INPP4B: variants seen among roughly 807,000 people sequenced by gnomAD.
The protein encoded by INPP4B is inositol polyphosphate 4-phosphatase type II.
A neutral mutation model predicts 122.5 loss-of-function variants in INPP4B; 55 were observed. The observed-to-expected ratio is 0.45, with a 90% CI of 0.36 to 0.56. INPP4B has a LOEUF of 0.56. Among genes scored for constraint, INPP4B ranks in the 20% least tolerant of loss-of-function variants. The pLI is 0.00. For missense variants in INPP4B, 1,000 were observed against 1,097.7 expected (o/e 0.91, Z 1.26); for synonymous variants, 403 against 388.7 (o/e 1.04, Z -0.43).
chr4:142,048,613 A>G (rs1276194446), intron 25 of INPP4B, among the ~76,000 whole-genome samples: 1 of 151,864 alleles, frequency 6.6e-6, no homozygotes, highest in African/African-American at 2.4e-5. Context: ...ATTTATGTGA[A>G]CTAAGGGTGA....
chr4:142,047,776 GAT>G (rs1421977987), intron 25 of INPP4B, among the ~76,000 whole-genome samples: 4 of 151,938 alleles, frequency 2.6e-5, no homozygotes. Flanking sequence ...GACAAAGAAA[GAT>G]AGCACAGATA....
chr4:142,462,902 T>C (rs1040906576), intron 2 of INPP4B, 176 bp from the exon 3 acceptor site: 1 of 152,244 alleles, frequency 6.6e-6, no homozygotes, highest in African/African-American at 2.4e-5. Context: ...TATCCCAAAT[T>C]AGTCAGCTTC....
At chr4:142,700,736 G>T (rs1286442063) in intron 2 of INPP4B, among the ~76,000 whole-genome samples, 1 of 151,894 alleles carries the variant, frequency 6.6e-6, no homozygotes, top group Non-Finnish European at 1.5e-5. Flanking sequence ...TTTCTTAGAA[G>T]TAGGTCACAT....
At chr4:142,199,192 A>G (rs954553793) in intron 14 of INPP4B, among the ~76,000 whole-genome samples, 1 of 152,036 alleles carries the variant, frequency 6.6e-6, no homozygotes, top group Non-Finnish European at 1.5e-5. Flanking sequence ...GTGTTCAACA[A>G]TGTCGATAAA....
At chr4:142,214,042 C>T (rs181751421) in intron 12 of INPP4B, among the ~76,000 whole-genome samples, 45 of 152,256 alleles carry the variant, frequency 3.0e-4, no homozygotes, top group Admixed American at 2.7e-3. Context: ...ATCCAATGTT[C>T]CAAATTTATC....
chr4:142,604,681 C>G (rs1740830095), intron 2 of INPP4B, among the ~76,000 whole-genome samples: 1 of 151,986 alleles, frequency 6.6e-6, no homozygotes, highest in South Asian at 2.1e-4. Context: ...AATGTCTCTA[C>G]AAGGAGAACT....
chr4:142,197,144 A>AAAAAC (rs1838680203), intron 14 of INPP4B, among the ~76,000 whole-genome samples: 1 of 151,440 alleles, frequency 6.6e-6, no homozygotes, highest in Admixed American at 6.6e-5. Context: ...AAAAAAAAAA[A>AAAAAC]AAGAAAGTGA....
chr4:142,200,571 T>C (rs141190954), intron 14 of INPP4B, among the ~76,000 whole-genome samples: 1 of 151,086 alleles, frequency 6.6e-6, no homozygotes, highest in Non-Finnish European at 1.5e-5. Context: ...TCATTCTTTT[T>C]ATTATCATTT....
At chr4:142,636,838 A>T in intron 2 of INPP4B, among the ~76,000 whole-genome samples, 1 of 152,086 alleles carries the variant, frequency 6.6e-6, no homozygotes, top group East Asian at 1.9e-4. Flanking sequence ...TGAATATGGT[A>T]TTATCTTTAA....
chr4:142,744,761 A>G (rs778740634), intron 1 of INPP4B, among the ~76,000 whole-genome samples: 112 of 151,878 alleles, frequency 7.4e-4, no homozygotes, highest in Non-Finnish European at 1.6e-4. Context: ...ACTACAAAAA[A>G]TGTTAAATAA....
intron 2 of INPP4B, among the ~76,000 whole-genome samples, chr4:142,572,667 A>G (rs910895418): frequency 6.6e-6 from 1 of 152,066 alleles, no homozygotes; most frequent in African/African-American, 2.4e-5. Context: ...ATGCTCCCAG[A>G]TAAAAGATAA....
At chr4:142,077,935 T>C (rs1458290477) in intron 25 of INPP4B, among the ~76,000 whole-genome samples, 4 of 141,664 alleles carry the variant, frequency 2.8e-5, no homozygotes, top group Non-Finnish European at 6.2e-5. Context: ...AACTAGTATG[T>C]GGTGGGACTT....
intron 12 of INPP4B, among the ~76,000 whole-genome samples, chr4:142,210,952 A>T (rs1373978695): frequency 6.6e-6 from 1 of 152,186 alleles, no homozygotes; most frequent in African/African-American, 2.4e-5. Context: ...TGTGAGGAGT[A>T]TCTTGATACA....
intron 25 of INPP4B, among the ~76,000 whole-genome samples, chr4:142,063,163 A>G (rs17015383): frequency 0.025 from 3,743 of 152,274 alleles, 74 homozygotes; most frequent in Non-Finnish European, 0.035. Context: ...GGAGAAGTCA[A>G]TATCTATGAG....
At chr4:142,817,279 G>C (rs1780223000) in intron 1 of INPP4B, among the ~76,000 whole-genome samples, 2 of 152,028 alleles carry the variant, frequency 1.3e-5, no homozygotes. Context: ...TTTTAGTGAG[G>C]TTTCCAGCCA....
intron 14 of INPP4B, chr4:142,202,785 A>T (rs1395190671): frequency 1.0e-6 from 1 of 985,188 alleles, no homozygotes; most frequent in Non-Finnish European, 1.2e-6. Flanking sequence ...CAACAAACAA[A>T]AACAATGAGA....
At chr4:142,398,161 G>T (rs1799988649) in intron 7 of INPP4B, among the ~76,000 whole-genome samples, 1 of 151,170 alleles carries the variant, frequency 6.6e-6, no homozygotes, top group East Asian at 2.0e-4. Flanking sequence ...GGATCACGAG[G>T]TCAGGAGATC....
At chr4:142,537,417 TATATATATATATAG>T (rs1368150889) in intron 2 of INPP4B, among the ~76,000 whole-genome samples, 1 of 49,676 alleles carries the variant, frequency 2.0e-5, no homozygotes, top group Non-Finnish European at 4.2e-5. Context: ...TATATATATA[TATATATATATATAG>T]AGAGAGAGAG....
chr4:142,235,456 C>G (rs1321305868), intron 12 of INPP4B, among the ~76,000 whole-genome samples: 1 of 152,040 alleles, frequency 6.6e-6, no homozygotes, highest in Non-Finnish European at 1.5e-5. Flanking sequence ...GAGTCTCGCT[C>G]TGTCGCCGAG....
Sources: allele counts gnomAD v4.1 joint callset (sites outside exome capture counted in the v4.1 genomes callset), GRCh38; gene constraint gnomAD v4.1.1; transcripts MANE v1.5; gene names NCBI Gene and HGNC (gene_info 2026-07-23, HGNC 2026-07-21).